CAMK2B: variants seen among roughly 807,000 people sequenced by gnomAD.
CAMK2B encodes calcium/calmodulin-dependent protein kinase type II subunit beta.
A neutral mutation model predicts 93.7 loss-of-function variants in CAMK2B; 27 were observed. The ratio of observed to expected loss-of-function variants is 0.29; its 90% CI spans 0.21 to 0.40. CAMK2B has a LOEUF of 0.40. CAMK2B is among the 10% of genes least tolerant of loss of function. CAMK2B has a pLI of 1.00. For missense variants in CAMK2B, 568 were observed against 895.8 expected (o/e 0.63, Z 4.67); for synonymous variants, 374 against 358.8 (o/e 1.04, Z -0.48).
intron 20 of CAMK2B, 73 bp downstream of exon 20, chr7:44,226,443 C>A (rs964840286): frequency 3.2e-6 from 4 of 1,233,336 alleles, no homozygotes; most frequent in Non-Finnish European, 4.2e-6. Context: ...CTTCCCAGAG[C>A]ACCACTGCCA....
chr7:44,237,861 C>T (rs1300591738), intron 13 of CAMK2B, among the ~76,000 whole-genome samples: 1 of 152,216 alleles, frequency 6.6e-6, no homozygotes, highest in Non-Finnish European at 1.5e-5. Flanking sequence ...AGGCACTGCC[C>T]ATTCCCGGGT....
chr7:44,228,953 T>G (rs1160303300), intron 18 of CAMK2B, 29 bp from the exon 19 acceptor site: 1 of 1,604,078 alleles, frequency 6.2e-7, no homozygotes, highest in Admixed American at 1.7e-5. Flanking sequence ...GACGTGAACA[T>G]GAGGCAGACA....
At position 44,239,616 on chromosome 7, in the gene CAMK2B, C is replaced by T. The variant is rs560190297; in HGVS notation, c.994G>A (p.Gly332Ser). ...APATMSTAAS[G>S]TTMGLVEQAK... ...TGTTCCACCAGCCCCATGGTGGTGC[C>T]GGAGGCCGCGGTGGACATTGTGGCC... is the stretch of plus-strand genomic sequence containing the variant. The change falls in exon 13 of 24, where the codon GGC becomes AGC. Residue 332 changes from glycine (G) to serine (S), a missense_variant. Coordinates refer to ENST00000395749, the MANE Select transcript of CAMK2B (RefSeq NM_001220.5). The T allele has an allele frequency of 2.8e-5, 43 of 1,531,960 alleles. 1 individual carries two copies. The South Asian group carries it at 4.4e-4, about 16-fold the overall frequency. 94.9% of individuals were successfully genotyped at this position (1,531,960 alleles called of 1,614,324 possible). A position where few individuals can be genotyped will look rare whatever the true frequency, so the allele number is the denominator to read the frequency against.
intron 1 of CAMK2B, among the ~76,000 whole-genome samples, chr7:44,308,892 CCAGCCTGCCCTTTA>C (rs1447935877): frequency 1.1e-4 from 16 of 152,182 alleles, no homozygotes. Flanking sequence ...CTGTCCATGG[CCAGCCTGCCCTTTA>C]CTGCCTGCCA....
At chr7:44,249,858 T>C (rs1255471161) in intron 5 of CAMK2B, among the ~76,000 whole-genome samples, 1 of 152,086 alleles carries the variant, frequency 6.6e-6, no homozygotes, top group East Asian at 1.9e-4. Context: ...ACCCCCTGAC[T>C]CCACAGTTGG....
chr7:44,257,402 G>A lies in CAMK2B; in HGVS notation c.275+1470C>T, dbSNP rs528144599. ...ATGTGCTTGGCAAGGCGGGAGACAT[G>A]AGAGTCTCTCAAATGGGCACACACA... On this transcript the variant is annotated intron_variant, in intron 4 of 23. Coordinates refer to ENST00000395749, the MANE Select transcript of CAMK2B (RefSeq NM_001220.5). 2.0e-5 allele frequency among the ~76,000 whole-genome samples: 3 copies of A among 152,250 alleles called. No homozygotes were observed. In the East Asian group the frequency reaches 5.8e-4, roughly 29 times the overall value.
In CAMK2B at chr7:44,248,848, G is replaced by C. The variant is rs1213570916; in HGVS notation, c.342-1656C>G. ...ACTCCTGAGGTGTGTGGGGTCAGAA[G>C]AAGCCAGGCCCAAACTCATGGGAGA... On this transcript the variant is annotated intron_variant, in intron 5 of 23. Transcript: ENST00000395749. This position sits in a 1 kb window ranked among gnomAD's most constrained non-coding sequence, Gnocchi z 4.1. Among the ~76,000 whole-genome samples the C allele has an allele frequency of 1.3e-5, 2 of 152,110 alleles. No homozygotes were observed. Among genetic ancestry groups the C allele is most frequent in the African/African-American group, 2.4e-5 (1 of 41,416 alleles).
At chr7:44,293,922 A>G (rs986343753) in intron 1 of CAMK2B, among the ~76,000 whole-genome samples, 2 of 152,200 alleles carry the variant, frequency 1.3e-5, no homozygotes, top group Non-Finnish European at 2.9e-5. Flanking sequence ...GGGACCTCAC[A>G]TCTCACACTG....
chr7:44,263,087 C>A (rs372113573), intron 2 of CAMK2B, 23 bp from the exon 3 acceptor site: 2 of 1,611,412 alleles, frequency 1.2e-6, no homozygotes, highest in African/African-American at 2.7e-5. Flanking sequence ...AAAAACAAGG[C>A]GTCACCTCCT....
intron 1 of CAMK2B, among the ~76,000 whole-genome samples, chr7:44,285,164 G>A (rs943005235): frequency 3.4e-4 from 52 of 152,214 alleles, no homozygotes; most frequent in African/African-American, 9.6e-4. Context: ...GGAGGGGGCC[G>A]GTGCCCACCA....
chr7:44,275,242 G>A (rs986340043), intron 2 of CAMK2B, among the ~76,000 whole-genome samples: 8 of 152,162 alleles, frequency 5.3e-5, no homozygotes, highest in Admixed American at 1.3e-4. Flanking sequence ...TTCCCCAGGG[G>A]TCATGGAGGC....
chr7:44,308,709 G>A (rs1199654879), intron 1 of CAMK2B, among the ~76,000 whole-genome samples: 1 of 152,146 alleles, frequency 6.6e-6, no homozygotes, highest in Non-Finnish European at 1.5e-5. Flanking sequence ...TTGTCCGGAG[G>A]GCAAGGCCCC....
At chr7:44,251,364 G>A (rs2096779045) in intron 5 of CAMK2B, among the ~76,000 whole-genome samples, 1 of 151,602 alleles carries the variant, frequency 6.6e-6, no homozygotes, top group Non-Finnish European at 1.5e-5. Context: ...TCTCCACCGA[G>A]CTCCACTGCT....
chr7:44,221,589 CAT>C (rs2096407625), intron 20 of CAMK2B, among the ~76,000 whole-genome samples: 1 of 152,246 alleles, frequency 6.6e-6, no homozygotes, highest in Admixed American at 6.5e-5. Context: ...CCGCTTTTCT[CAT>C]AGGAGCCGCA....
intron 2 of CAMK2B, among the ~76,000 whole-genome samples, chr7:44,272,615 C>T (rs1204424058): frequency 1.3e-5 from 2 of 152,236 alleles, no homozygotes; most frequent in Admixed American, 6.5e-5. Flanking sequence ...GCAACCATGT[C>T]GGCAGCACCC....
In CAMK2B at chr7:44,254,233, C is replaced by T. The variant is rs558421414; in HGVS notation, c.341+309G>A. ...GGGTCAGCCTTGTGGGAAGGGCTGCCTGAGGGTCCACGGGAAGCCCCACCT... is the reference window on the plus strand; with the variant it reads ...GGGTCAGCCTTGTGGGAAGGGCTGCTTGAGGGTCCACGGGAAGCCCCACCT... On this transcript the variant is annotated intron_variant, in intron 5 of 23. Transcript: ENST00000395749. Among the ~76,000 whole-genome samples, 3 of 152,326 alleles carry T rather than the reference C, an allele frequency of 2.0e-5. No homozygotes were observed. The East Asian group carries it at 5.8e-4, about 29-fold the overall frequency.
At chr7:44,324,803 C>T (rs1002032300) in intron 1 of CAMK2B, among the ~76,000 whole-genome samples, 4 of 152,208 alleles carry the variant, frequency 2.6e-5, no homozygotes, top group Non-Finnish European at 4.4e-5. Flanking sequence ...AACCCAGATT[C>T]CCCAGGGGAC....
intron 2 of CAMK2B, among the ~76,000 whole-genome samples, chr7:44,265,272 A>G (rs1337820413): frequency 1.3e-5 from 2 of 152,198 alleles, no homozygotes; most frequent in African/African-American, 2.4e-5. Flanking sequence ...TGTCCCTTCC[A>G]TAATCTCAGT....
chr7:44,273,095 G>A (rs1232687894), intron 2 of CAMK2B, among the ~76,000 whole-genome samples: 3 of 152,278 alleles, frequency 2.0e-5, no homozygotes, highest in South Asian at 4.1e-4. Context: ...CCAGGCAAGC[G>A]TCCTCCCCAC....
Sources: allele counts gnomAD v4.1 joint callset (sites outside exome capture counted in the v4.1 genomes callset), GRCh38; gene constraint gnomAD v4.1.1; non-coding constraint Gnocchi (gnomAD v3.1); transcripts MANE v1.5; gene names NCBI Gene and HGNC (gene_info 2026-07-23, HGNC 2026-07-21).